KLKB1: variants seen among roughly 807,000 people sequenced by gnomAD.
KLKB1 encodes plasma kallikrein.
A neutral mutation model predicts 73.6 loss-of-function variants in KLKB1; 58 were observed. The ratio of observed to expected loss-of-function variants is 0.79; its 90% CI spans 0.64 to 0.98. KLKB1 has a LOEUF of 0.98. KLKB1 is among the 50% of genes least tolerant of loss of function. The pLI, the probability that KLKB1 is intolerant of heterozygous loss-of-function variation, is 0.00. For synonymous variants in KLKB1, 280 were observed against 258.1 expected, an observed-to-expected ratio of 1.08 and a Z score of -0.81; for missense variants, 737 against 763.8, an observed-to-expected ratio of 0.96 and a Z score of 0.41.
chr4:186,215,419 TGCTTTCTCTCTC>T (rs1410517532), intron 2 of KLKB1, among the ~76,000 whole-genome samples: 3 of 82,738 alleles, frequency 3.6e-5, no homozygotes, highest in African/African-American at 1.1e-4. Context: ...CTTTCTCTCT[TGCTTTCTCTCTC>T]TCTCTCCTTG....
intron 11 of KLKB1, among the ~76,000 whole-genome samples, chr4:186,252,814 A>G (rs1326725922): frequency 6.6e-6 from 1 of 152,236 alleles, no homozygotes; most frequent in Non-Finnish European, 1.5e-5. Context: ...TAGAAATGTT[A>G]CTTCTTGCTC....
intron 5 of KLKB1, among the ~76,000 whole-genome samples, chr4:186,237,417 A>C (rs1055298444): frequency 2.0e-5 from 3 of 152,076 alleles, no homozygotes; most frequent in Admixed American, 1.3e-4. Flanking sequence ...TAATTAAATA[A>C]TTCATTTAAT....
At chr4:186,245,532 G>T (rs1738285537) in intron 6 of KLKB1, among the ~76,000 whole-genome samples, 1 of 152,170 alleles carries the variant, frequency 6.6e-6, no homozygotes, top group African/African-American at 2.4e-5. Flanking sequence ...CCAGGCTGCG[G>T]GCATTCCTTG....
intron 2 of KLKB1, among the ~76,000 whole-genome samples, chr4:186,219,626 A>T (rs781753644): frequency 6.6e-6 from 1 of 152,216 alleles, no homozygotes; most frequent in Non-Finnish European, 1.5e-5. Flanking sequence ...TCATTTCTGC[A>T]GCTGGTCACG....
chr4:186,253,886 A>G (rs999304979), intron 11 of KLKB1, among the ~76,000 whole-genome samples: 6 of 152,072 alleles, frequency 3.9e-5, no homozygotes, highest in Non-Finnish European at 7.4e-5. Flanking sequence ...CCCAGAGTAG[A>G]GTGCAGTGGC....
chr4:186,217,254 T>C (rs1736926264), intron 2 of KLKB1, among the ~76,000 whole-genome samples: 1 of 152,174 alleles, frequency 6.6e-6, no homozygotes, highest in Admixed American at 6.5e-5. Flanking sequence ...GTTTCTGCTG[T>C]GATGTGAAGG....
intron 2 of KLKB1, among the ~76,000 whole-genome samples, chr4:186,218,629 AGTGTGT>A (rs536955243): frequency 1.1e-4 from 16 of 144,348 alleles, no homozygotes; most frequent in South Asian, 2.3e-4. Context: ...TATTTTACAT[AGTGTGT>A]GTGTGTGTGT....
chr4:186,239,156 G>T (rs1270375696), intron 6 of KLKB1, among the ~76,000 whole-genome samples: 1 of 136,626 alleles, frequency 7.3e-6, no homozygotes, highest in Non-Finnish European at 1.6e-5. Flanking sequence ...GATACTGTTA[G>T]AGTTATAGGT....
chr4:186,239,480 A>C (rs1202628361), intron 6 of KLKB1, among the ~76,000 whole-genome samples: 2 of 138,590 alleles, frequency 1.4e-5, no homozygotes, highest in African/African-American at 5.5e-5. Flanking sequence ...AGTTATAGGA[A>C]ACTAGTACAG....
intron 4 of KLKB1, 112 bp from the exon 5 acceptor site, chr4:186,236,669 C>A: frequency 2.0e-6 from 2 of 1,012,900 alleles, no homozygotes; most frequent in Non-Finnish European, 3.1e-6. Context: ...ATAGCAGTTG[C>A]CAAAACTGGG....
At position 186,258,417 on chromosome 4, in the gene KLKB1, G is replaced by C. The variant is rs1172788113; in HGVS notation, c.*205G>C. On this transcript the variant is annotated 3_prime_UTR_variant, in exon 15 of 15. Coordinates refer to ENST00000264690, the MANE Select transcript of KLKB1 (RefSeq NM_000892.5). ...CGTAACCAGGGGCTGACAATGCGAG[G>C]TCGCAACTGAGATCTCCATGACTGT... The C allele has an allele frequency of 3.2e-6, 2 of 629,954 alleles. No individual in the cohort carries two copies. The highest frequency in any genetic ancestry group is 5.6e-5 in the East Asian group (2 of 35,936). 39.0% of individuals were successfully genotyped at this position (629,954 alleles called of 1,614,324 possible).
upstream of KLKB1, among the ~76,000 whole-genome samples, chr4:186,225,899 A>G (rs1292582730): frequency 6.6e-6 from 1 of 152,048 alleles, no homozygotes; most frequent in Non-Finnish European, 1.5e-5. Flanking sequence ...CTTCTAATGC[A>G]TATTAATTTT....
At chr4:186,217,963 G>C (rs752910218) in intron 2 of KLKB1, among the ~76,000 whole-genome samples, 6 of 152,192 alleles carry the variant, frequency 3.9e-5, no homozygotes, top group Non-Finnish European at 8.8e-5. Flanking sequence ...CTTATCTGTA[G>C]AGTCAGATAG....
intron 2 of KLKB1, among the ~76,000 whole-genome samples, chr4:186,216,398 G>T (rs897853268): frequency 1.3e-5 from 2 of 152,186 alleles, no homozygotes; most frequent in Non-Finnish European, 2.9e-5. Flanking sequence ...GGAGGTAACA[G>T]AATGGCAGGG....
At chr4:186,216,847 A>G (rs1255461853) in intron 2 of KLKB1, among the ~76,000 whole-genome samples, 1 of 151,682 alleles carries the variant, frequency 6.6e-6, no homozygotes, top group African/African-American at 2.4e-5. Flanking sequence ...GCAGAGGAAA[A>G]CTCTGCTTTT....
chr4:186,238,440 C>A, intron 6 of KLKB1, 75 bp downstream of exon 6: 1 of 1,004,304 alleles, frequency 1.0e-6, no homozygotes, highest in Non-Finnish European at 1.6e-6. Context: ...CTGTGCTGAG[C>A]CCTGGGACCT....
At position 186,256,009 on chromosome 4, in the gene KLKB1, T is replaced by C; in HGVS notation, c.1507T>C (p.Cys503Arg). ...LNYTEFQKPI[C>R]LPSKGDTSTI... The stretch of plus-strand genomic sequence containing the variant: ...TGTTTCAGAATTCCAAAAACCAATA[T>C]GCCTACCTTCCAAAGGTGACACAAG... The change falls in exon 13 of 15, where the codon TGC becomes CGC. Residue 503 changes from cysteine (C) to arginine (R), a missense_variant. Cys to Arg is a radical substitution (Grantham distance 180, BLOSUM62 -3). Transcript: ENST00000264690. 1.2e-6 allele frequency: 2 copies of C among 1,611,108 alleles called. No individual in the cohort carries two copies. The highest frequency in any genetic ancestry group is 1.7e-5 in the Admixed American group (1 of 60,014).
At chr4:186,244,074 T>G (rs1463296789) in intron 6 of KLKB1, among the ~76,000 whole-genome samples, 6 of 152,120 alleles carry the variant, frequency 3.9e-5, no homozygotes, top group Non-Finnish European at 8.8e-5. Flanking sequence ...GGCTCTTGTG[T>G]AAGAATTTTG....
chr4:186,253,369 A>T (rs1319309009), intron 11 of KLKB1, among the ~76,000 whole-genome samples: 2 of 152,206 alleles, frequency 1.3e-5, no homozygotes, highest in Non-Finnish European at 2.9e-5. Context: ...TCGGTGGTAC[A>T]TGTGGGTGGA....
Sources: gnomAD v4.1 joint callset for allele counts (sites outside exome capture counted in the v4.1 genomes callset) on GRCh38, gnomAD v4.1.1 for gene constraint, MANE v1.5 for transcripts, NCBI Gene and HGNC (gene_info 2026-07-23, HGNC 2026-07-21) for gene names.